The following PDGFD variants were observed in gnomAD, a reference collection of about 807,000 sequenced individuals.
PDGFD encodes platelet derived growth factor D.
Under a neutral mutation model 44.7 loss-of-function variants are expected in PDGFD, and 30 were observed. The ratio of observed to expected loss-of-function variants is 0.67; its 90% confidence interval spans 0.50 to 0.91. The LOEUF (loss-of-function observed/expected upper bound fraction) is 0.91, where lower values mean the gene tolerates loss of function less well. Among genes scored for constraint, PDGFD ranks in the 40% least tolerant of loss-of-function variants. The probability of loss-of-function intolerance (pLI) is 0.00; values close to 1 mark genes in which losing one functional copy is unlikely to be tolerated. For missense variants in PDGFD, 445 were observed against 457.8 expected, an observed-to-expected ratio of 0.97 and a Z score of 0.25; for synonymous variants, 173 against 168.4, an observed-to-expected ratio of 1.03 and a Z score of -0.21.
chr11:104,082,008 G>A (rs1861050988), intron 1 of PDGFD, among the ~76,000 whole-genome samples: 1 of 151,808 alleles, frequency 6.6e-6, no homozygotes, highest in East Asian at 1.9e-4. Context: ...TGGACTTGGT[G>A]TAGGAGATTG....
At chr11:104,095,182 C>T (rs1861265840) in intron 1 of PDGFD, among the ~76,000 whole-genome samples, 1 of 152,098 alleles carries the variant, frequency 6.6e-6, no homozygotes, top group Non-Finnish European at 1.5e-5. Flanking sequence ...CCCCAGTATT[C>T]TTCCCTTATT....
intron 1 of PDGFD, among the ~76,000 whole-genome samples, chr11:104,042,240 C>T (rs11226125): frequency 0.45 from 67,930 of 152,092 alleles, 15,542 homozygotes; most frequent in Admixed American, 0.57. Flanking sequence ...ATTTTTATCA[C>T]TGGCAAATTA....
chr11:104,114,706 A>G (rs957779936), intron 1 of PDGFD, among the ~76,000 whole-genome samples: 1 of 152,026 alleles, frequency 6.6e-6, no homozygotes, highest in Non-Finnish European at 1.5e-5. Flanking sequence ...TATATTGACA[A>G]TATTGAATCT....
At chr11:104,066,053 T>C (rs560934158) in intron 1 of PDGFD, among the ~76,000 whole-genome samples, 11 of 152,300 alleles carry the variant, frequency 7.2e-5, no homozygotes, top group Admixed American at 5.9e-4. Context: ...AATTGTCACA[T>C]ACTGACAAGA....
chr11:103,935,181 G>A (rs528189447), intron 5 of PDGFD, among the ~76,000 whole-genome samples: 2 of 152,276 alleles, frequency 1.3e-5, no homozygotes, highest in South Asian at 2.1e-4. Context: ...ATGCCTAGAT[G>A]AGGGGAATAA....
intron 1 of PDGFD, among the ~76,000 whole-genome samples, chr11:104,163,215 G>A (rs1006848884): frequency 1.3e-5 from 2 of 152,118 alleles, no homozygotes; most frequent in Non-Finnish European, 2.9e-5. Context: ...GAGTCAGGGT[G>A]AACTTCAATA....
intron 3 of PDGFD, among the ~76,000 whole-genome samples, chr11:103,979,845 G>T (rs2134350608): frequency 6.6e-6 from 1 of 152,122 alleles, no homozygotes; most frequent in Middle Eastern, 3.4e-3. Flanking sequence ...TTACACAAGG[G>T]ATGCTCTTAC....
At chr11:104,035,227 C>A (rs1171230329) in intron 1 of PDGFD, among the ~76,000 whole-genome samples, 1 of 152,130 alleles carries the variant, frequency 6.6e-6, no homozygotes, top group South Asian at 2.1e-4. Flanking sequence ...AGGCAATGGC[C>A]CATCTACCCT....
At chr11:104,161,638 A>T (rs1344619953) in intron 1 of PDGFD, among the ~76,000 whole-genome samples, 1 of 152,302 alleles carries the variant, frequency 6.6e-6, no homozygotes. Flanking sequence ...ACAGAAATGT[A>T]TATCTATTTA....
chr11:104,071,290 A>T (rs1336174756), intron 1 of PDGFD, among the ~76,000 whole-genome samples: 3 of 151,966 alleles, frequency 2.0e-5, no homozygotes, highest in Non-Finnish European at 1.5e-5. Flanking sequence ...TAAGTTGAAT[A>T]TGTTTACTTA....
intron 1 of PDGFD, among the ~76,000 whole-genome samples, chr11:104,078,957 G>A (rs1565328594): frequency 6.6e-6 from 1 of 152,086 alleles, no homozygotes; most frequent in Admixed American, 6.6e-5. Context: ...TAGCAATTGG[G>A]TAGGTTAACA....
intron 3 of PDGFD, among the ~76,000 whole-genome samples, chr11:103,949,452 A>G (rs1858715800): frequency 6.6e-6 from 1 of 152,226 alleles, no homozygotes; most frequent in Non-Finnish European, 1.5e-5. Context: ...CATTTATATG[A>G]GTCTTCATAA....
chr11:103,954,362 A>C (rs1048372597), intron 3 of PDGFD, among the ~76,000 whole-genome samples: 1 of 152,122 alleles, frequency 6.6e-6, no homozygotes, highest in Non-Finnish European at 1.5e-5. Context: ...TTGTCCTTTA[A>C]GTCTTTGCAG....
At chr11:104,149,243 CTT>C (rs1245002025) in intron 1 of PDGFD, among the ~76,000 whole-genome samples, 2 of 152,074 alleles carry the variant, frequency 1.3e-5, no homozygotes, top group Non-Finnish European at 2.9e-5. Context: ...GAAATTGCAA[CTT>C]TAAGTGAAAG....
At chr11:103,929,627 A>G (rs1324827788) in intron 5 of PDGFD, among the ~76,000 whole-genome samples, 1 of 152,242 alleles carries the variant, frequency 6.6e-6, no homozygotes, top group Non-Finnish European at 1.5e-5. Context: ...ACTGTGACCC[A>G]GTGTGACTGC....
At chr11:104,068,894 C>T (rs1449865916) in intron 1 of PDGFD, among the ~76,000 whole-genome samples, 2 of 152,040 alleles carry the variant, frequency 1.3e-5, no homozygotes, top group Admixed American at 6.5e-5. Flanking sequence ...GACATGATAT[C>T]CCCTTACCCC....
At chr11:104,055,624 C>T (rs1860607145) in intron 1 of PDGFD, among the ~76,000 whole-genome samples, 1 of 152,126 alleles carries the variant, frequency 6.6e-6, no homozygotes, top group African/African-American at 2.4e-5. Flanking sequence ...AAACCTAAAA[C>T]ACACTATTAA....
intron 6 of PDGFD, among the ~76,000 whole-genome samples, chr11:103,922,896 C>T (rs1305397788): frequency 1.3e-5 from 2 of 152,046 alleles, no homozygotes; most frequent in South Asian, 2.1e-4. Context: ...TCCTTATCTC[C>T]AAAGACAAAG....
chr11:103,993,126 G>A (rs1018191389), intron 3 of PDGFD, among the ~76,000 whole-genome samples: 2 of 152,128 alleles, frequency 1.3e-5, no homozygotes, highest in Non-Finnish European at 2.9e-5. Context: ...GGAGTGCAGT[G>A]GTGGCATCAC....
Sources: gnomAD v4.1 joint callset for allele counts (sites outside exome capture counted in the v4.1 genomes callset) on GRCh38, gnomAD v4.1.1 for gene constraint, MANE v1.5 for transcripts, NCBI Gene and HGNC (gene_info 2026-07-23, HGNC 2026-07-21) for gene names.